FAM171A1: variants seen among roughly 807,000 people sequenced by gnomAD.
FAM171A1 encodes the protein protein FAM171A1.
Under a neutral mutation model 74.9 loss-of-function variants are expected in FAM171A1, and 23 were observed. The ratio of observed to expected loss-of-function variants is 0.31; its 90% CI spans 0.22 to 0.44. The LOEUF (loss-of-function observed/expected upper bound fraction) is 0.44, where lower values mean the gene tolerates loss of function less well. Among genes scored for constraint, FAM171A1 ranks in the 20% least tolerant of loss-of-function variants. FAM171A1 has a pLI of 1.00. For missense variants in FAM171A1, 1,162 were observed against 1,159.2 expected, an observed-to-expected ratio of 1.00 and a Z score of -0.03; for synonymous variants, 527 against 505.7, an observed-to-expected ratio of 1.04 and a Z score of -0.57.
chr10:15,279,424 C>T (rs1279461993), intron 2 of FAM171A1, among the ~76,000 whole-genome samples: 1 of 152,160 alleles, frequency 6.6e-6, no homozygotes, highest in Non-Finnish European at 1.5e-5. Context: ...TGGGTGAAGG[C>T]AGCAGAGAGA....
intron 1 of FAM171A1, among the ~76,000 whole-genome samples, chr10:15,351,567 C>CAATGGATGGATG (rs1554757200): frequency 1.4e-5 from 2 of 146,350 alleles, no homozygotes; most frequent in East Asian, 2.0e-4. Flanking sequence ...AAAGTAGGGA[C>CAATGGATGGATG]GATGGATGGA....
In FAM171A1 at chr10:15,360,911, A is replaced by T. The variant is rs1393540146; in HGVS notation, c.97+10045T>A. Among the ~76,000 whole-genome samples the T allele has an allele frequency of 7.2e-5, 11 of 152,280 alleles. No individual in the cohort carries two copies. In the East Asian group the frequency reaches 1.9e-3, roughly 27 times the overall value. On this transcript the variant is annotated intron_variant, in intron 1 of 7. Coordinates refer to ENST00000378116, the MANE Select transcript of FAM171A1 (RefSeq NM_001010924.2). ...GATTAATGTTACAGTCACCTAAAAGATCTAAGTATTTTTCCCATGGATTAA... is the reference window on the plus strand; with the variant it reads ...GATTAATGTTACAGTCACCTAAAAGTTCTAAGTATTTTTCCCATGGATTAA...
intron 1 of FAM171A1, among the ~76,000 whole-genome samples, chr10:15,336,270 T>C (rs1835698285): frequency 1.3e-5 from 2 of 152,058 alleles, no homozygotes. Flanking sequence ...TGTGGTATTA[T>C]GCACACGTTC....
At chr10:15,312,398 T>A (rs145188394) in intron 1 of FAM171A1, among the ~76,000 whole-genome samples, 1,910 of 152,194 alleles carry the variant, frequency 0.013, 24 homozygotes, top group Non-Finnish European at 0.019. Context: ...TTTTAAAGCC[T>A]CTGAACCCTT....
chr10:15,242,650 G>A (rs1834377261), intron 5 of FAM171A1, among the ~76,000 whole-genome samples: 2 of 152,208 alleles, frequency 1.3e-5, no homozygotes, highest in Non-Finnish European at 2.9e-5. Flanking sequence ...AATTAGCCAG[G>A]TGTGGTGGTG....
chr10:15,349,229 TAC>T (rs1421164784), intron 1 of FAM171A1, among the ~76,000 whole-genome samples: 1 of 152,102 alleles, frequency 6.6e-6, no homozygotes, highest in Non-Finnish European at 1.5e-5. Flanking sequence ...GGGCTAGAGG[TAC>T]ACACCTGCAG....
At chr10:15,216,140 T>G in intron 6 of FAM171A1, 30 bp from the exon 7 acceptor site, 1 of 1,370,854 alleles carries the variant, frequency 7.3e-7, no homozygotes, top group Non-Finnish European at 1.0e-6. Flanking sequence ...CATTTAGAGT[T>G]TTGAACACCT....
In FAM171A1 at chr10:15,212,190, C is replaced by G. The variant is rs1372846291; in HGVS notation, c.*725G>C. ...AAAAGGCACTTGGAGTTAATGGGAC[C>G]AGGATTGGAGGACTCTTAGCTGATA... On this transcript the variant is annotated 3_prime_UTR_variant, in exon 8 of 8. Transcript: ENST00000378116. 6.6e-6 allele frequency: 1 copy of G among 152,604 alleles called. No individual in the cohort carries two copies. The highest frequency in any genetic ancestry group is 2.1e-4 in the South Asian group (1 of 4,826). The allele number at this position is 152,604 out of a possible 1,614,324, so 9.5% of individuals were successfully genotyped here. A position where few individuals can be genotyped will look rare whatever the true frequency, so the allele number is the denominator to read the frequency against.
chr10:15,274,929 A>T (rs1834874180), intron 3 of FAM171A1, among the ~76,000 whole-genome samples: 1 of 152,210 alleles, frequency 6.6e-6, no homozygotes, highest in South Asian at 2.1e-4. Flanking sequence ...GCCATAAAAA[A>T]TGATGAGTTC....
At chr10:15,337,724 G>A (rs1035203680) in intron 1 of FAM171A1, among the ~76,000 whole-genome samples, 1 of 152,174 alleles carries the variant, frequency 6.6e-6, no homozygotes, top group Non-Finnish European at 1.5e-5. Flanking sequence ...AGAGGCGAGC[G>A]GATCACTTGA....
At position 15,218,292 on chromosome 10, in the gene FAM171A1, G is replaced by T. The variant is rs185759267; in HGVS notation, c.872-2182C>A. The stretch of plus-strand genomic sequence containing the variant: ...GACAGGGTTTCAACGTGTTAGCCAG[G>T]ATGGTCTTGATCTCCTGACCTCATG... On this transcript the variant is annotated intron_variant, in intron 6 of 7. Coordinates refer to ENST00000378116, the MANE Select transcript of FAM171A1 (RefSeq NM_001010924.2). Among the ~76,000 whole-genome samples the T allele has an allele frequency of 9.1e-4, 139 of 152,036 alleles. 1 individual carries two copies. The highest frequency in any genetic ancestry group is 3.2e-3 in the African/African-American group (133 of 41,462).
rs1209961012 is a variant in FAM171A1, at chr10:15,371,066, C to A, written c.-14G>T. 1.9e-6 allele frequency: 2 copies of A among 1,070,628 alleles called. No individual in the cohort carries two copies. The highest frequency in any genetic ancestry group is 2.3e-6 in the Non-Finnish European group (2 of 874,144). The allele number at this position is 1,070,628 out of a possible 1,614,324, so 66.3% of individuals were successfully genotyped here. On this transcript the variant is annotated 5_prime_UTR_variant, in exon 1 of 8. Transcript: ENST00000378116. ...GGACCTGCTCATCTCCGCCGCGGGG[C>A]CGGCGGCGGCTCGGGCTCGCCGAGA...
intron 1 of FAM171A1, among the ~76,000 whole-genome samples, chr10:15,294,962 C>A (rs1266423370): frequency 6.6e-6 from 1 of 152,212 alleles, no homozygotes; most frequent in Admixed American, 6.5e-5. Flanking sequence ...GTTGCCCAGG[C>A]TGGAGTGCAG....
intron 1 of FAM171A1, among the ~76,000 whole-genome samples, chr10:15,355,313 G>T (rs936864962): frequency 2.6e-5 from 4 of 152,164 alleles, no homozygotes; most frequent in African/African-American, 9.7e-5. Context: ...GGGCTCAAGT[G>T]ATTCGCCCAC....
rs377642428 is a variant in FAM171A1, at chr10:15,216,058, G to A, written c.924C>T (p.Ala308=). The change falls in exon 7 of 8, where the codon GCC becomes GCT. Residue 308 remains alanine, a synonymous_variant. Transcript: ENST00000378116. ...ITTYHTVFLL[A]ILGGMAFILL... is the part of the protein sequence containing the mutation. ...GTATGAAAGCCATTCCTCCTAAAAT[G>A]GCCAAAAGAAACACCGTGTGATACG... 67 of 1,611,822 alleles carry A rather than the reference G, an allele frequency of 4.2e-5. No homozygotes were observed. The highest frequency in any genetic ancestry group is 5.7e-5 in the Non-Finnish European group (67 of 1,179,668).
chr10:15,315,367 T>C (rs1835410631), intron 1 of FAM171A1, among the ~76,000 whole-genome samples: 1 of 152,210 alleles, frequency 6.6e-6, no homozygotes, highest in South Asian at 2.1e-4. Context: ...CTTTGAGTGT[T>C]AGTTGTGTGG....
intron 3 of FAM171A1, among the ~76,000 whole-genome samples, chr10:15,260,222 A>G (rs540318164): frequency 2.6e-4 from 40 of 152,066 alleles, no homozygotes; most frequent in Non-Finnish European, 4.6e-4. Flanking sequence ...CACCTCTTCT[A>G]TGTAGTCTGT....
rs555838057 is a variant in FAM171A1, at chr10:15,213,471, C to T, written c.2117G>A (p.Arg706Gln). ...GCCATCCAAGGAGACGAACCACGCC[C>T]GGGGGTGCGGAAGCGGCTTCCCACC... ...LGGGKPLPHP[R>Q]AWFVSLDGRS... Residue 706 changes from arginine (R) to glutamine (Q), a missense_variant, in exon 8 of 8, where the codon CGG becomes CAG. Coordinates refer to ENST00000378116, the MANE Select transcript of FAM171A1 (RefSeq NM_001010924.2). The surrounding 1 kb of genome is among the most constrained non-coding windows in gnomAD (Gnocchi z 6.8). The T allele has an allele frequency of 2.5e-6, 4 of 1,614,136 alleles. No individual in the cohort carries two copies. Among genetic ancestry groups the T allele is most frequent in the African/African-American group, 1.3e-5 (1 of 75,044 alleles).
At chr10:15,347,560 G>A (rs1206100005) in intron 1 of FAM171A1, among the ~76,000 whole-genome samples, 1 of 151,830 alleles carries the variant, frequency 6.6e-6, no homozygotes, top group African/African-American at 2.4e-5. Flanking sequence ...GAATTCGGCC[G>A]GGTGCAGTGG....
Sources: gnomAD v4.1 joint callset for allele counts (sites outside exome capture counted in the v4.1 genomes callset) on GRCh38, gnomAD v4.1.1 for gene constraint, Gnocchi (gnomAD v3.1) non-coding constraint, MANE v1.5 for transcripts, NCBI Gene and HGNC (gene_info 2026-07-23, HGNC 2026-07-21) for gene names.